APBA1: variants seen among roughly 807,000 people sequenced by gnomAD.
The protein encoded by APBA1 is amyloid beta precursor protein binding family A member 1.
Under a neutral mutation model 86.6 loss-of-function variants are expected in APBA1, and 55 were observed. The observed-to-expected ratio is 0.64, with a 90% CI of 0.51 to 0.80. APBA1 has a LOEUF of 0.80. Ranked by LOEUF, APBA1 falls within the 30% of genes least tolerant of loss-of-function variation. APBA1 has a pLI of 0.00. For missense variants in APBA1, 1,090 were observed against 1,183.0 expected (o/e 0.92, Z 1.15); for synonymous variants, 511 against 493.9 (o/e 1.03, Z -0.46).
chr9:69,456,178 A>T, intron 8 of APBA1, 69 bp downstream of exon 8: 2 of 1,514,628 alleles, frequency 1.3e-6, no homozygotes, highest in Non-Finnish European at 1.8e-6. Flanking sequence ...GTGATGAATT[A>T]GACTGAATCA....
intron 1 of APBA1, among the ~76,000 whole-genome samples, chr9:69,632,322 C>T (rs958147623): frequency 6.6e-6 from 1 of 152,114 alleles, no homozygotes; most frequent in Non-Finnish European, 1.5e-5. Context: ...TTAATCATTA[C>T]TGAATGCTCC....
At chr9:69,598,236 G>A (rs1211152469) in intron 1 of APBA1, among the ~76,000 whole-genome samples, 3 of 151,390 alleles carry the variant, frequency 2.0e-5, no homozygotes, top group Non-Finnish European at 4.4e-5. Flanking sequence ...TGAACAATGA[G>A]ATCACATGGA....
chr9:69,625,271 T>C (rs1260181633), intron 1 of APBA1, among the ~76,000 whole-genome samples: 1 of 152,224 alleles, frequency 6.6e-6, no homozygotes. Flanking sequence ...TATATTTCAC[T>C]GAGACCTTCT....
intron 2 of APBA1, among the ~76,000 whole-genome samples, chr9:69,495,467 G>A (rs77866779): frequency 6.6e-6 from 1 of 151,970 alleles, no homozygotes; most frequent in African/African-American, 2.4e-5. Flanking sequence ...CAGTACTCGT[G>A]TGAGTTGTTT....
At chr9:69,463,049 G>A (rs1835217015) in intron 5 of APBA1, 1 of 152,088 alleles carries the variant, frequency 6.6e-6, no homozygotes, top group Non-Finnish European at 1.5e-5. Context: ...ACCAACAAAG[G>A]CAGAATGAAC....
At chr9:69,621,634 G>C (rs1027217416) in intron 1 of APBA1, among the ~76,000 whole-genome samples, 6 of 152,208 alleles carry the variant, frequency 3.9e-5, no homozygotes, top group African/African-American at 1.4e-4. Context: ...TACAATAACA[G>C]CTTCACAATA....
At chr9:69,490,596 T>G (rs556840227) in intron 2 of APBA1, among the ~76,000 whole-genome samples, 7 of 151,746 alleles carry the variant, frequency 4.6e-5, no homozygotes, top group African/African-American at 9.7e-5. Flanking sequence ...AAACCAAAAT[T>G]GACAAATGGG....
intron 1 of APBA1, among the ~76,000 whole-genome samples, chr9:69,551,350 G>A (rs989857402): frequency 1.3e-4 from 20 of 152,002 alleles, no homozygotes; most frequent in Non-Finnish European, 2.1e-4. Flanking sequence ...TCAGGAGTTC[G>A]AGACCAGCCT....
intron 2 of APBA1, among the ~76,000 whole-genome samples, chr9:69,483,195 T>C (rs1162855373): frequency 6.7e-6 from 1 of 148,532 alleles, no homozygotes; most frequent in African/African-American, 2.5e-5. Context: ...AATGGTCCTC[T>C]GAGAGGAAGG....
intron 1 of APBA1, among the ~76,000 whole-genome samples, chr9:69,536,406 C>A (rs755685351): frequency 1.9e-4 from 29 of 151,842 alleles, no homozygotes; most frequent in Admixed American, 1.0e-3. Flanking sequence ...CTTGATTCCT[C>A]CACACGCCTG....
chr9:69,537,734 A>G (rs576098235), intron 1 of APBA1, among the ~76,000 whole-genome samples: 3 of 151,556 alleles, frequency 2.0e-5, no homozygotes, highest in Non-Finnish European at 2.9e-5. Flanking sequence ...TCACAAGCTT[A>G]TTGGCCACTG....
At chr9:69,467,248 C>A (rs934997262) in intron 5 of APBA1, among the ~76,000 whole-genome samples, 3 of 152,152 alleles carry the variant, frequency 2.0e-5, no homozygotes, top group Admixed American at 6.5e-5. Context: ...CAGGCTCGTT[C>A]CTTTTATGTC....
chr9:69,458,217 G>C (rs747550076), intron 5 of APBA1, 29 bp from the exon 6 acceptor site: 1 of 1,596,234 alleles, frequency 6.3e-7, no homozygotes, highest in South Asian at 1.1e-5. Flanking sequence ...ACAGAGACAG[G>C]AGAATAGTTA....
At chr9:69,470,789 C>A (rs921728693) in intron 4 of APBA1, among the ~76,000 whole-genome samples, 1 of 152,208 alleles carries the variant, frequency 6.6e-6, no homozygotes. Flanking sequence ...CTCAGCATCA[C>A]CTCTAGCCAG....
At chr9:69,458,309 G>T in intron 5 of APBA1, 121 bp from the exon 6 acceptor site, 2 of 784,630 alleles carry the variant, frequency 2.5e-6, no homozygotes, top group Non-Finnish European at 1.9e-6. Flanking sequence ...TTCTGTGGGA[G>T]GAGGACTGGC....
intron 1 of APBA1, among the ~76,000 whole-genome samples, chr9:69,668,335 C>T (rs1823881741): frequency 6.6e-6 from 1 of 152,156 alleles, no homozygotes; most frequent in African/African-American, 2.4e-5. Flanking sequence ...TCAGCTAAGC[C>T]TGACAATGAT....
At position 69,517,286 on chromosome 9, in the gene APBA1, A is replaced by G. The variant is rs1328769328; in HGVS notation, c.-69-7T>C. ...CTCATTTTGCTCCACTGGGCTGGAA[A>G]AACAAGAAGGGGAGAGGCTGTCACG... On this transcript the variant is annotated splice_polypyrimidine_tract_variant and splice_region_variant and intron_variant, in intron 1 of 12. Transcript: ENST00000265381. 7 of 1,397,182 alleles carry G rather than the reference A, an allele frequency of 5.0e-6. No individual in the cohort carries two copies. In the African/African-American group the frequency reaches 1.1e-4, roughly 21 times the overall value. The allele number at this position is 1,397,182 out of a possible 1,614,324, so 86.5% of individuals were successfully genotyped here.
chr9:69,605,503 C>T (rs572992965), intron 1 of APBA1, among the ~76,000 whole-genome samples: 30 of 152,310 alleles, frequency 2.0e-4, no homozygotes, highest in African/African-American at 6.5e-4. Flanking sequence ...TATGGCATAT[C>T]GTGTGATGAC....
intron 3 of APBA1, 107 bp downstream of exon 3, chr9:69,475,941 G>C (rs914987256): frequency 3.6e-5 from 31 of 850,768 alleles, no homozygotes; most frequent in Middle Eastern, 2.2e-4. Context: ...TTCTCACCAG[G>C]GTAATGTGGG....
Sources: gnomAD v4.1 joint callset for allele counts (sites outside exome capture counted in the v4.1 genomes callset) on GRCh38, gnomAD v4.1.1 for gene constraint, MANE v1.5 for transcripts, NCBI Gene and HGNC (gene_info 2026-07-23, HGNC 2026-07-21) for gene names.